The following NRF1 variants were observed in gnomAD, a reference collection of about 807,000 sequenced individuals.
The protein encoded by NRF1 is alpha palindromic-binding protein.
NRF1 carries 5 observed loss-of-function variants against 58.5 expected under a neutral mutation model. The ratio of observed to expected loss-of-function variants is 0.09; its 90% CI spans 0.04 to 0.18. The LOEUF (loss-of-function observed/expected upper bound fraction) is 0.18. Ranked by LOEUF, NRF1 falls within the 10% of genes least tolerant of loss-of-function variation. The probability of loss-of-function intolerance (pLI) is 1.00; values close to 1 mark genes in which losing one functional copy is unlikely to be tolerated. For synonymous variants in NRF1, 224 were observed against 246.7 expected (o/e 0.91, Z 0.86); for missense variants, 288 against 657.7 (o/e 0.44, Z 6.15).
At chr7:129,697,895 A>C (rs1282710626) in intron 5 of NRF1, among the ~76,000 whole-genome samples, 1 of 151,824 alleles carries the variant, frequency 6.6e-6, no homozygotes, top group Non-Finnish European at 1.5e-5. Flanking sequence ...CCACCACGCT[A>C]GGTTAATTTT....
At chr7:129,719,543 C>CACACACAA (rs1255895761) in intron 9 of NRF1, among the ~76,000 whole-genome samples, 23 of 142,058 alleles carry the variant, frequency 1.6e-4, no homozygotes, top group African/African-American at 5.0e-4. Flanking sequence ...CACACACACA[C>CACACACAA]AACACATCTT....
At chr7:129,614,409 C>T (rs1349610507) in intron 1 of NRF1, among the ~76,000 whole-genome samples, 1 of 145,862 alleles carries the variant, frequency 6.9e-6, no homozygotes, top group African/African-American at 2.6e-5. Context: ...AGCCAATGCG[C>T]CTGGCCCAAT....
chr7:129,710,716 TC>T, intron 7 of NRF1, 145 bp downstream of exon 7: 1 of 620,216 alleles, frequency 1.6e-6, no homozygotes, highest in Non-Finnish European at 2.9e-6. Context: ...GAAATTGATT[TC>T]TGAAGAATAG....
At chr7:129,613,668 C>T (rs1393900010) in intron 1 of NRF1, among the ~76,000 whole-genome samples, 3 of 151,778 alleles carry the variant, frequency 2.0e-5, no homozygotes, top group Admixed American at 1.3e-4. Flanking sequence ...GAGGCCGAGG[C>T]GGGGTGGATC....
At chr7:129,736,187 C>T (rs771237175) in intron 10 of NRF1, among the ~76,000 whole-genome samples, 4 of 152,014 alleles carry the variant, frequency 2.6e-5, no homozygotes, top group South Asian at 2.1e-4. Context: ...CACCTTTTCA[C>T]ATCCCTGTTT....
chr7:129,659,669 T>A (rs1801738570), intron 2 of NRF1, among the ~76,000 whole-genome samples: 1 of 152,236 alleles, frequency 6.6e-6, no homozygotes, highest in South Asian at 2.1e-4. Flanking sequence ...AGAATTCAGC[T>A]ATTTCATTCT....
At chr7:129,666,463 C>G (rs1027578942) in intron 2 of NRF1, among the ~76,000 whole-genome samples, 5 of 152,180 alleles carry the variant, frequency 3.3e-5, no homozygotes, top group African/African-American at 9.6e-5. Flanking sequence ...TTCTGAGATT[C>G]ACCCATGTTG....
intron 1 of NRF1, among the ~76,000 whole-genome samples, chr7:129,612,478 C>T (rs1800558184): frequency 6.6e-6 from 1 of 152,204 alleles, no homozygotes; most frequent in African/African-American, 2.4e-5. Flanking sequence ...CACCTTCTTG[C>T]AAGTTAGGAG....
intron 5 of NRF1, among the ~76,000 whole-genome samples, chr7:129,702,547 A>G (rs1802850864): frequency 6.6e-6 from 1 of 152,208 alleles, no homozygotes. Flanking sequence ...AGTACTACAA[A>G]TAATTCCCAA....
At chr7:129,717,574 G>C (rs186353397) in intron 9 of NRF1, among the ~76,000 whole-genome samples, 198 bp downstream of exon 9, 9 of 152,266 alleles carry the variant, frequency 5.9e-5, no homozygotes, top group Admixed American at 5.2e-4. Context: ...CTTTCCTTCA[G>C]GTGTGCTTAG....
chr7:129,736,595 T>C (rs922972597), intron 10 of NRF1, among the ~76,000 whole-genome samples: 1 of 151,616 alleles, frequency 6.6e-6, no homozygotes, highest in African/African-American at 2.4e-5. Context: ...AGAAATTCTA[T>C]ACAAAGGTAT....
At chr7:129,638,441 T>C (rs1182928106) in intron 1 of NRF1, among the ~76,000 whole-genome samples, 1 of 152,140 alleles carries the variant, frequency 6.6e-6, no homozygotes, top group Non-Finnish European at 1.5e-5. Context: ...CAGCTTTTGG[T>C]GGTTTGACAG....
intron 2 of NRF1, among the ~76,000 whole-genome samples, chr7:129,667,755 A>G (rs984583090): frequency 1.4e-5 from 2 of 143,088 alleles, no homozygotes; most frequent in African/African-American, 5.7e-5. Flanking sequence ...TTATTTATTT[A>G]TTTATTTATT....
At chr7:129,751,460 A>C (rs551382622) in intron 10 of NRF1, among the ~76,000 whole-genome samples, 2 of 152,334 alleles carry the variant, frequency 1.3e-5, no homozygotes, top group South Asian at 4.1e-4. Context: ...TCTGGGGAAA[A>C]TCTTCCGTGA....
chr7:129,629,858 T>C (rs147652348), intron 1 of NRF1, among the ~76,000 whole-genome samples: 8 of 152,336 alleles, frequency 5.3e-5, no homozygotes, highest in African/African-American at 1.9e-4. Context: ...TAAATTGTGC[T>C]AAGTGTCAGT....
At chr7:129,702,903 C>T (rs1802863532) in intron 5 of NRF1, among the ~76,000 whole-genome samples, 1 of 152,088 alleles carries the variant, frequency 6.6e-6, no homozygotes, top group African/African-American at 2.4e-5. Flanking sequence ...TCCCTAGACT[C>T]AGATAAATGC....
In NRF1 at chr7:129,648,428, C is replaced by T. The variant is rs546179925; in HGVS notation, c.-6-8918C>T. ...CCGAGTAGCTGGGACTACAGGTGCC[C>T]GCCACCACGCCCGGCTAACTTTTTG... On this transcript the variant is annotated intron_variant, in intron 1 of 10. Transcript: ENST00000393232. Among the ~76,000 whole-genome samples the T allele has an allele frequency of 8.6e-5, 13 of 151,762 alleles. No individual in the cohort carries two copies. The East Asian group carries it at 1.4e-3, about 16-fold the overall frequency.
intron 5 of NRF1, among the ~76,000 whole-genome samples, chr7:129,703,607 T>C (rs1802885438): frequency 6.6e-6 from 1 of 152,222 alleles, no homozygotes; most frequent in Admixed American, 6.5e-5. Flanking sequence ...TCAAATTATC[T>C]CTTAAGCATT....
At position 129,671,448 on chromosome 7, in the gene NRF1, T is replaced by A; in HGVS notation, c.243T>A (p.Ala81=). The change falls in exon 3 of 11, where the codon GCT becomes GCA. Residue 81 remains alanine (A), a synonymous_variant. Coordinates refer to ENST00000393232, the MANE Select transcript of NRF1 (RefSeq NM_005011.5). The stretch of plus-strand genomic sequence containing the variant: ...TTTCAGGTCCTGTGGGAATGGCCGC[T>A]GCTGCTGCTGTGGCAACAGGAAAGA... ...LAAAGPVGMA[A]AAAVATGKKR... 6.2e-7 allele frequency: 1 copy of A among 1,605,480 alleles called. No homozygotes were observed. Among genetic ancestry groups the A allele is most frequent in the Non-Finnish European group, 8.5e-7 (1 of 1,172,698 alleles).
Sources: allele counts gnomAD v4.1 joint callset (sites outside exome capture counted in the v4.1 genomes callset), GRCh38; gene constraint gnomAD v4.1.1; transcripts MANE v1.5; gene names NCBI Gene and HGNC (gene_info 2026-07-23, HGNC 2026-07-21).